PPFIA2: variants seen among roughly 807,000 people sequenced by gnomAD.
The protein encoded by PPFIA2 is liprin-alpha-2.
A neutral mutation model predicts 175.5 loss-of-function variants in PPFIA2; 46 were observed. The ratio of observed to expected loss-of-function variants is 0.26; its 90% CI spans 0.21 to 0.34. The LOEUF (loss-of-function observed/expected upper bound fraction) is 0.34, where lower values mean the gene tolerates loss of function less well. Ranked by LOEUF, PPFIA2 falls within the 10% of genes least tolerant of loss-of-function variation. The pLI is 1.00. For synonymous variants in PPFIA2, 568 were observed against 511.4 expected, an observed-to-expected ratio of 1.11 and a Z score of -1.49; for missense variants, 1,179 against 1,506.1, an observed-to-expected ratio of 0.78 and a Z score of 3.60.
chr12:81,262,134 C>T (rs10862276), intron 31 of PPFIA2, 94 bp from the exon 32 acceptor site: 171,282 of 851,118 alleles, frequency 0.2, 17,567 homozygotes, highest in Non-Finnish European at 0.22. Context: ...ACAGGGATTC[C>T]GAACATATTA....
intron 4 of PPFIA2, among the ~76,000 whole-genome samples, chr12:81,506,582 T>C (rs2147620297): frequency 6.6e-6 from 1 of 152,374 alleles, no homozygotes; most frequent in African/African-American, 2.4e-5. Flanking sequence ...TTAAGTTTCC[T>C]ATTCCTACAC....
At chr12:81,446,159 C>G (rs577551793) in intron 5 of PPFIA2, among the ~76,000 whole-genome samples, 2 of 152,266 alleles carry the variant, frequency 1.3e-5, no homozygotes, top group South Asian at 4.1e-4. Flanking sequence ...TGAGCATAAT[C>G]ATTAAAATGT....
chr12:81,745,547 T>G (rs1442753870), intron 3 of PPFIA2, among the ~76,000 whole-genome samples: 1 of 152,190 alleles, frequency 6.6e-6, no homozygotes, highest in African/African-American at 2.4e-5. Flanking sequence ...AACCCCTCTG[T>G]CTGTTCTCTT....
intron 7 of PPFIA2, among the ~76,000 whole-genome samples, chr12:81,419,825 C>A (rs576976832): frequency 1.3e-5 from 2 of 152,196 alleles, no homozygotes; most frequent in African/African-American, 4.8e-5. Context: ...CATAGCCATG[C>A]CATATGAACC....
Position 81,325,838 on chromosome 12 carries a change from C to T in PPFIA2, c.2581G>A (p.Glu861Lys), listed in dbSNP as rs567799196. The change falls in exon 22 of 33, where the codon GAG (glutamate) becomes AAG (lysine). Residue 861 changes from glutamate to lysine, a missense_variant. Around this residue, in one of 10 missense-constraint regions of PPFIA2, gnomAD observed 223 missense variants for 241.6 expected, o/e 0.92. Transcript: ENST00000549396. ...GFMETEAAAQ[E>K]SLGLGKLGTQ... ...CCGAGTTTGCCTAACCCCAGGGACTCCTGAGCTGCAGCTTCAGTCTCCATA... is the reference window on the plus strand; with the variant it reads ...CCGAGTTTGCCTAACCCCAGGGACTTCTGAGCTGCAGCTTCAGTCTCCATA... The T allele has an allele frequency of 1.9e-6, 3 of 1,612,672 alleles. No individual in the cohort carries two copies. Among genetic ancestry groups the T allele is most frequent in the East Asian group, 4.5e-5 (2 of 44,820 alleles).
intron 7 of PPFIA2, chr12:81,431,369 T>C (rs1001622854): frequency 6.6e-6 from 1 of 151,536 alleles, no homozygotes; most frequent in Non-Finnish European, 1.5e-5. Context: ...ACAATAATAC[T>C]CTGCAAAAAA....
intron 3 of PPFIA2, among the ~76,000 whole-genome samples, chr12:81,684,018 G>A (rs1596362903): frequency 6.6e-6 from 1 of 152,148 alleles, no homozygotes; most frequent in East Asian, 1.9e-4. Flanking sequence ...TATTCATGAG[G>A]GATCTGTCCC....
intron 30 of PPFIA2, among the ~76,000 whole-genome samples, chr12:81,264,565 T>A (rs2036625139): frequency 6.6e-6 from 1 of 152,204 alleles, no homozygotes; most frequent in Non-Finnish European, 1.5e-5. Flanking sequence ...AAGTCTATAT[T>A]CACTCAACAT....
At chr12:81,491,671 G>A (rs1305032268) in intron 4 of PPFIA2, among the ~76,000 whole-genome samples, 1 of 151,872 alleles carries the variant, frequency 6.6e-6, no homozygotes, top group Admixed American at 6.6e-5. Flanking sequence ...ATCCACCAGT[G>A]CCTTGATCTT....
At chr12:81,695,972 A>C (rs1282917614) in intron 3 of PPFIA2, among the ~76,000 whole-genome samples, 1 of 152,168 alleles carries the variant, frequency 6.6e-6, no homozygotes, top group Non-Finnish European at 1.5e-5. Context: ...AATCAGCAAA[A>C]AGGCTAATTT....
At chr12:81,417,941 G>C (rs2045600078) in intron 7 of PPFIA2, among the ~76,000 whole-genome samples, 1 of 151,692 alleles carries the variant, frequency 6.6e-6, no homozygotes, top group Non-Finnish European at 1.5e-5. Flanking sequence ...GAGATGGATA[G>C]TATCATATCT....
At chr12:81,274,963 G>C (rs2040141773) in intron 28 of PPFIA2, among the ~76,000 whole-genome samples, 1 of 152,086 alleles carries the variant, frequency 6.6e-6, no homozygotes, top group South Asian at 2.1e-4. Flanking sequence ...GGGCCAACTG[G>C]GTAATTCCTC....
intron 3 of PPFIA2, among the ~76,000 whole-genome samples, chr12:81,725,338 T>C (rs2079922520): frequency 6.6e-6 from 1 of 150,892 alleles, no homozygotes; most frequent in Non-Finnish European, 1.5e-5. Context: ...TTGGAGCCAA[T>C]AGAGACCACA....
At position 81,271,225 on chromosome 12, in the gene PPFIA2, C is replaced by T. The variant is rs115406295; in HGVS notation, c.3311-3138G>A. Among the ~76,000 whole-genome samples the T allele has an allele frequency of 2.4e-3, 368 of 152,002 alleles. 2 individuals are homozygous for T. The highest frequency in any genetic ancestry group is 8.6e-3 in the African/African-American group (356 of 41,486). On this transcript the variant is annotated intron_variant, in intron 28 of 32. Coordinates refer to ENST00000549396, the MANE Select transcript of PPFIA2 (RefSeq NM_003625.5). The stretch of plus-strand genomic sequence containing the variant: ...CTTTGTTCTTTTTCTCTCTTTCTTG[C>T]CATTTATTGTTTTCTTATTTTATTC...
chr12:81,396,772 G>A (rs1201894061), intron 8 of PPFIA2, among the ~76,000 whole-genome samples: 8 of 152,028 alleles, frequency 5.3e-5, no homozygotes, highest in African/African-American at 7.2e-5. Flanking sequence ...GATGGCCCAT[G>A]GGAGAAGCAG....
At position 81,745,346 on chromosome 12, in the gene PPFIA2, C is replaced by T. The variant is rs542168289; in HGVS notation, c.249+8627G>A. On this transcript the variant is annotated intron_variant, in intron 3 of 32. Transcript: ENST00000549396. ...GTGGTCTCTCTTTATTCTCACTTCA[C>T]CCACTCACAGCAACTGTTTCTGACC... Among the ~76,000 whole-genome samples, 3 of 152,206 alleles carry T rather than the reference C, an allele frequency of 2.0e-5. No individual in the cohort carries two copies. The South Asian group carries it at 6.2e-4, about 32-fold the overall frequency.
rs563675461 is a variant in PPFIA2, at chr12:81,287,414, G to A, written c.2926-3111C>T. 2.7e-4 allele frequency among the ~76,000 whole-genome samples: 41 copies of A among 151,938 alleles called. 1 individual carries two copies. The highest frequency in any genetic ancestry group is 3.4e-3 in the Middle Eastern group (1 of 294). ...GATGTGGAACATGCTGGAAGCTATG[G>A]TTTTATCTGTTTCATTCCTCACAAA... is the stretch of plus-strand genomic sequence containing the variant. On this transcript the variant is annotated intron_variant, in intron 24 of 32. Transcript: ENST00000549396.
chr12:81,584,368 T>A (rs1159789255), intron 4 of PPFIA2, among the ~76,000 whole-genome samples: 1 of 151,930 alleles, frequency 6.6e-6, no homozygotes, highest in Non-Finnish European at 1.5e-5. Flanking sequence ...TGGCTTCATT[T>A]TCAGCATCTG....
At chr12:81,402,332 A>G (rs2042219489) in intron 8 of PPFIA2, among the ~76,000 whole-genome samples, 5 of 148,704 alleles carry the variant, frequency 3.4e-5, no homozygotes, top group Admixed American at 6.8e-5. Context: ...ATACCTTTTT[A>G]AAAGTTCTCA....
Sources: gnomAD v4.1 joint callset for allele counts (sites outside exome capture counted in the v4.1 genomes callset) on GRCh38, gnomAD v4.1.1 for gene constraint, gnomAD v4.1.1 regional missense constraint, MANE v1.5 for transcripts, NCBI Gene and HGNC (gene_info 2026-07-23, HGNC 2026-07-21) for gene names.